Variants in PTPRD observed in about 807,000 individuals in gnomAD.
PTPRD encodes the protein protein tyrosine phosphatase receptor type D, also known as receptor-type tyrosine-protein phosphatase delta.
PTPRD carries 34 observed loss-of-function variants against 214.5 expected under a neutral mutation model. The observed-to-expected ratio is 0.16, with a 90% CI of 0.12 to 0.21. The LOEUF is 0.21. Ranked by LOEUF, PTPRD falls within the 10% of genes least tolerant of loss-of-function variation. The pLI is 1.00. For missense variants in PTPRD, 2,545 were observed against 2,398.7 expected (o/e 1.06, Z -1.27); for synonymous variants, 1,128 against 845.7 (o/e 1.33, Z -5.79).
chr9:8,320,097 G>T, intron 44 of PTPRD, 131 bp from the exon 45 acceptor site: 2 of 1,105,394 alleles, frequency 1.8e-6, no homozygotes, highest in Non-Finnish European at 2.5e-6. Context: ...AGGAAAACAT[G>T]GTATCACATT....
intron 2 of PTPRD, among the ~76,000 whole-genome samples, chr9:10,346,364 A>C (rs936613777): frequency 6.6e-6 from 1 of 152,170 alleles, no homozygotes; most frequent in Admixed American, 6.5e-5. Flanking sequence ...TAATAAATGA[A>C]TCAATCAACT....
At chr9:10,144,435 T>C (rs2099008670) in intron 3 of PTPRD, among the ~76,000 whole-genome samples, 1 of 152,108 alleles carries the variant, frequency 6.6e-6, no homozygotes, top group African/African-American at 2.4e-5. Flanking sequence ...CCTTTTCTAT[T>C]TCAGTACCCA....
chr9:8,683,976 T>A (rs1455770381), intron 12 of PTPRD, among the ~76,000 whole-genome samples: 1 of 152,072 alleles, frequency 6.6e-6, no homozygotes, highest in East Asian at 1.9e-4. Flanking sequence ...CAGCGAATGT[T>A]CAAGAGGTCC....
chr9:9,122,862 T>C (rs1419327116), intron 10 of PTPRD, among the ~76,000 whole-genome samples: 2 of 152,200 alleles, frequency 1.3e-5, no homozygotes, highest in Admixed American at 1.3e-4. Context: ...CAATCCCATT[T>C]CCAGTGATGA....
chr9:8,727,507 C>A (rs1232966870), intron 12 of PTPRD, among the ~76,000 whole-genome samples: 4 of 152,144 alleles, frequency 2.6e-5, no homozygotes, highest in East Asian at 1.9e-4. Flanking sequence ...AAAAGAGAAA[C>A]AATGAAGGCT....
intron 8 of PTPRD, among the ~76,000 whole-genome samples, chr9:9,412,984 T>G (rs1011841480): frequency 1.3e-5 from 2 of 152,064 alleles, no homozygotes; most frequent in Non-Finnish European, 2.9e-5. Flanking sequence ...GTCCACCTCA[T>G]ATTATACCAC....
chr9:8,861,370 A>G (rs2098101710), intron 11 of PTPRD: 1 of 152,238 alleles, frequency 6.6e-6, no homozygotes, highest in Non-Finnish European at 1.5e-5. Context: ...ACAATTTCTG[A>G]AATGAAAGAA....
At chr9:8,629,579 A>G (rs1352817231) in intron 14 of PTPRD, among the ~76,000 whole-genome samples, 1 of 151,756 alleles carries the variant, frequency 6.6e-6, no homozygotes, top group African/African-American at 2.4e-5. Flanking sequence ...GCATTCCACA[A>G]TTAGTTAAGG....
chr9:9,495,140 T>G (rs1411645203), intron 8 of PTPRD, among the ~76,000 whole-genome samples: 1 of 152,010 alleles, frequency 6.6e-6, no homozygotes, highest in Non-Finnish European at 1.5e-5. Flanking sequence ...AGACCCCACT[T>G]CATTCATTAT....
At chr9:8,631,585 A>C (rs1420952143) in intron 14 of PTPRD, among the ~76,000 whole-genome samples, 1 of 151,752 alleles carries the variant, frequency 6.6e-6, no homozygotes, top group African/African-American at 2.4e-5. Context: ...TTTATGTTAA[A>C]CTATTTGGTC....
intron 2 of PTPRD, among the ~76,000 whole-genome samples, chr9:10,342,778 G>A (rs765714322): frequency 2.0e-5 from 3 of 152,054 alleles, no homozygotes; most frequent in Non-Finnish European, 2.9e-5. Context: ...CCCTTGGACT[G>A]TAAATTCCAT....
rs184318557 is a variant in PTPRD, at chr9:9,608,822, G to A, written c.-286-34041C>T. Among the ~76,000 whole-genome samples the A allele has an allele frequency of 8.5e-5, 13 of 152,242 alleles. No individual in the cohort carries two copies. In the East Asian group the frequency reaches 2.3e-3, roughly 27 times the overall value. On this transcript the variant is annotated intron_variant, in intron 7 of 45. Transcript: ENST00000381196. ...GCAGGGTTTGCTTGATTCCTTGGTCGATTATTCTGTACATTACTTCTAAGA... is the reference window on the plus strand; with the variant it reads ...GCAGGGTTTGCTTGATTCCTTGGTCAATTATTCTGTACATTACTTCTAAGA...
intron 7 of PTPRD, among the ~76,000 whole-genome samples, chr9:9,666,504 A>T (rs2096725246): frequency 6.6e-6 from 1 of 152,040 alleles, no homozygotes; most frequent in Non-Finnish European, 1.5e-5. Context: ...TAAAAGTTAC[A>T]CACAGCTCAA....
chr9:10,312,964 G>C (rs1168601500), intron 3 of PTPRD, among the ~76,000 whole-genome samples: 1 of 151,908 alleles, frequency 6.6e-6, no homozygotes, highest in East Asian at 1.9e-4. Context: ...CCATCCTTTA[G>C]TCTGTCAATG....
At chr9:8,410,444 G>A (rs556344819) in intron 35 of PTPRD, among the ~76,000 whole-genome samples, 2 of 152,248 alleles carry the variant, frequency 1.3e-5, no homozygotes, top group East Asian at 3.9e-4. Flanking sequence ...TGTCAGGTGT[G>A]TGTCCTCATT....
chr9:10,063,044 T>C (rs1004832739), intron 3 of PTPRD, among the ~76,000 whole-genome samples: 21 of 152,108 alleles, frequency 1.4e-4, no homozygotes, highest in African/African-American at 4.8e-4. Flanking sequence ...ATTTTTAGTA[T>C]AGCCAATAAA....
At chr9:8,513,279 C>A (rs2097717567) in intron 21 of PTPRD, among the ~76,000 whole-genome samples, 1 of 152,004 alleles carries the variant, frequency 6.6e-6, no homozygotes, top group Non-Finnish European at 1.5e-5. Context: ...GACTGTAAAA[C>A]AGACAGATCA....
Position 8,995,454 on chromosome 9 carries a change from T to A in PTPRD, c.-104+23243A>T, listed in dbSNP as rs886178570. ...CTGCTGGGATGCTGACTTTCATTAT[T>A]CTCTCTTCTTATGGAGGTGTTTGAA... On this transcript the variant is annotated intron_variant, in intron 11 of 45. Coordinates refer to ENST00000381196, the MANE Select transcript of PTPRD (RefSeq NM_002839.4). Among the ~76,000 whole-genome samples, 6 of 152,094 alleles carry A rather than the reference T, an allele frequency of 3.9e-5. No individual in the cohort carries two copies. The East Asian group carries it at 1.2e-3, about 29-fold the overall frequency.
chr9:9,947,603 ATATT>A (rs2092944323), intron 4 of PTPRD, among the ~76,000 whole-genome samples: 1 of 62,446 alleles, frequency 1.6e-5, no homozygotes, highest in Non-Finnish European at 3.0e-5. Context: ...TATAATATAT[ATATT>A]TTATATATAT....
Sources: gnomAD v4.1 joint callset for allele counts (sites outside exome capture counted in the v4.1 genomes callset) on GRCh38, gnomAD v4.1.1 for gene constraint, MANE v1.5 for transcripts, NCBI Gene and HGNC (gene_info 2026-07-23, HGNC 2026-07-21) for gene names.